POU2F1: variants seen among roughly 807,000 people sequenced by gnomAD.
The protein encoded by POU2F1 is POU class 2 homeobox 1.
POU2F1 carries 16 observed loss-of-function variants against 84.9 expected under a neutral mutation model. That is an observed-to-expected ratio of 0.19 (90% confidence interval 0.13 to 0.29). The LOEUF is 0.29. POU2F1 is among the 10% of genes least tolerant of loss of function. The pLI is 1.00. For synonymous variants in POU2F1, 368 were observed against 368.3 expected, an observed-to-expected ratio of 1.00 and a Z score of 0.01; for missense variants, 738 against 942.6, an observed-to-expected ratio of 0.78 and a Z score of 2.84.
intron 5 of POU2F1, among the ~76,000 whole-genome samples, chr1:167,373,630 A>G (rs957993750): frequency 6.6e-6 from 1 of 152,182 alleles, no homozygotes; most frequent in African/African-American, 2.4e-5. Context: ...TGGAGCTCAT[A>G]TTCTTTAGTC....
At chr1:167,299,478 G>A (rs1654508464) in intron 1 of POU2F1, among the ~76,000 whole-genome samples, 1 of 152,166 alleles carries the variant, frequency 6.6e-6, no homozygotes. Context: ...TCAGTGATTG[G>A]AGATTGATTG....
chr1:167,234,249 C>T (rs1488787124), intron 1 of POU2F1, among the ~76,000 whole-genome samples: 1 of 152,142 alleles, frequency 6.6e-6, no homozygotes, highest in East Asian at 1.9e-4. Flanking sequence ...ATTGTGTGCT[C>T]TAGAATCAAT....
intron 1 of POU2F1, among the ~76,000 whole-genome samples, chr1:167,229,630 A>T (rs1024585956): frequency 6.6e-6 from 1 of 152,172 alleles, no homozygotes; most frequent in Non-Finnish European, 1.5e-5. Flanking sequence ...GGGAGTATCA[A>T]ATTGATAGCA....
chr1:167,324,335 A>G (rs944098929), intron 1 of POU2F1, among the ~76,000 whole-genome samples: 2 of 152,138 alleles, frequency 1.3e-5, no homozygotes, highest in African/African-American at 2.4e-5. Flanking sequence ...GCATTGTTCT[A>G]TGGAACTTTT....
chr1:167,363,082 A>G (rs1571372251), intron 2 of POU2F1, among the ~76,000 whole-genome samples: 1 of 152,174 alleles, frequency 6.6e-6, no homozygotes, highest in South Asian at 2.1e-4. Context: ...GCACTTAAAT[A>G]CTATTACCAG....
At chr1:167,370,874 A>G (rs2101843654) in intron 4 of POU2F1, among the ~76,000 whole-genome samples, 1 of 152,322 alleles carries the variant, frequency 6.6e-6, no homozygotes, top group East Asian at 1.9e-4. Flanking sequence ...TTTGAACCAT[A>G]TGGCACAACA....
At chr1:167,391,856 G>A (rs1393833408) in intron 9 of POU2F1, among the ~76,000 whole-genome samples, 1 of 152,010 alleles carries the variant, frequency 6.6e-6, no homozygotes, top group East Asian at 1.9e-4. Context: ...ACCAGGCCCA[G>A]CCCAGGCTTA....
intron 2 of POU2F1, among the ~76,000 whole-genome samples, chr1:167,335,060 G>A (rs1657349678): frequency 6.6e-6 from 1 of 152,124 alleles, no homozygotes; most frequent in Admixed American, 6.5e-5. Context: ...TCATTGATTC[G>A]AGAGGCAAAA....
At position 167,418,302 on chromosome 1, in the gene POU2F1, G is replaced by C. The variant is rs1202897554; in HGVS notation, c.*2492G>C. The C allele has an allele frequency of 2.0e-5, 3 of 152,106 alleles. No homozygotes were observed. The highest frequency in any genetic ancestry group is 7.2e-5 in the African/African-American group (3 of 41,412). 9.4% of individuals were successfully genotyped at this position (152,106 alleles called of 1,614,324 possible). A position where few individuals can be genotyped will look rare whatever the true frequency, so the allele number is the denominator to read the frequency against. ...ACTTGATGTTTAACTAGTTTATTAG[G>C]TTGGTGTGTAAATAGAATGACAATG... On this transcript the variant is annotated 3_prime_UTR_variant, in exon 16 of 16. Transcript: ENST00000367866.
intron 9 of POU2F1, among the ~76,000 whole-genome samples, chr1:167,394,249 G>T (rs1323941394): frequency 6.6e-6 from 1 of 152,054 alleles, no homozygotes; most frequent in Non-Finnish European, 1.5e-5. Flanking sequence ...TCGAACTCCT[G>T]ACCTCAAATA....
At chr1:167,239,218 T>A (rs530288766) in intron 1 of POU2F1, among the ~76,000 whole-genome samples, 4 of 152,342 alleles carry the variant, frequency 2.6e-5, no homozygotes, top group East Asian at 3.9e-4. Flanking sequence ...GACATACCAT[T>A]TGTCAACTGA....
chr1:167,255,246 A>G (rs1330905657), intron 1 of POU2F1, among the ~76,000 whole-genome samples: 1 of 152,234 alleles, frequency 6.6e-6, no homozygotes, highest in Non-Finnish European at 1.5e-5. Flanking sequence ...GGCACAAAGC[A>G]AGAAGTCCTA....
At chr1:167,221,407 G>C (rs1648149451) in intron 1 of POU2F1, among the ~76,000 whole-genome samples, 2 of 149,698 alleles carry the variant, frequency 1.3e-5, no homozygotes, top group Non-Finnish European at 3.0e-5. Context: ...AGTAGGGCGC[G>C]GGCGGGCGGC....
rs959087562 is a variant in POU2F1, at chr1:167,418,834, C to T, written c.*3024C>T. ...GGATAAGGGGATTTTATGTGAAGCA[C>T]TTGATGAGGGTAGACCAGCATAAAA... On this transcript the variant is annotated 3_prime_UTR_variant, in exon 16 of 16. Transcript: ENST00000367866. 6.6e-6 allele frequency: 1 copy of T among 152,062 alleles called. No homozygotes were observed. Among genetic ancestry groups the T allele is most frequent in the South Asian group, 2.1e-4 (1 of 4,818 alleles). 9.4% of individuals were successfully genotyped at this position (152,062 alleles called of 1,614,324 possible). A position where few individuals can be genotyped will look rare whatever the true frequency, so the allele number is the denominator to read the frequency against.
At chr1:167,241,539 A>C (rs1247905596) in intron 1 of POU2F1, 1 of 152,212 alleles carries the variant, frequency 6.6e-6, no homozygotes, top group Non-Finnish European at 1.5e-5. Flanking sequence ...GATGTGATGA[A>C]GGATTAATGA....
intron 1 of POU2F1, among the ~76,000 whole-genome samples, chr1:167,301,861 G>GT (rs942014518): frequency 3.2e-4 from 48 of 151,854 alleles, no homozygotes; most frequent in South Asian, 1.0e-3. Flanking sequence ...TAATTTAAAT[G>GT]TTTTTTTCAT....
At chr1:167,317,440 T>C (rs566667405) in intron 1 of POU2F1, among the ~76,000 whole-genome samples, 33 of 152,022 alleles carry the variant, frequency 2.2e-4, no homozygotes, top group Non-Finnish European at 3.4e-4. Context: ...CACACAAATA[T>C]AGAGTGCAGA....
intron 1 of POU2F1, among the ~76,000 whole-genome samples, chr1:167,228,833 A>G (rs1648841995): frequency 6.6e-6 from 1 of 152,346 alleles, no homozygotes; most frequent in South Asian, 2.1e-4. Context: ...TAATATTACC[A>G]TAACCATGGC....
chr1:167,310,755 A>G (rs1156446467), intron 1 of POU2F1, among the ~76,000 whole-genome samples: 1 of 152,236 alleles, frequency 6.6e-6, no homozygotes, highest in Non-Finnish European at 1.5e-5. Context: ...CACACTTGAA[A>G]CAAATGAAAA....
Sources: gnomAD v4.1 joint callset for allele counts (sites outside exome capture counted in the v4.1 genomes callset) on GRCh38, gnomAD v4.1.1 for gene constraint, MANE v1.5 for transcripts, NCBI Gene and HGNC (gene_info 2026-07-23, HGNC 2026-07-21) for gene names.